The following ACSM3 variants were observed in gnomAD, a reference collection of about 807,000 sequenced individuals.
The protein encoded by ACSM3 is acyl-coenzyme A synthetase ACSM3, mitochondrial.
Under a neutral mutation model 74.1 loss-of-function variants are expected in ACSM3, and 61 were observed. The observed-to-expected ratio is 0.82, with a 90% confidence interval of 0.67 to 1.02. ACSM3 has a LOEUF of 1.02. Ranked by LOEUF, ACSM3 falls within the 50% of genes least tolerant of loss-of-function variation. The pLI is 0.00. For synonymous variants in ACSM3, 213 were observed against 241.5 expected, an observed-to-expected ratio of 0.88 and a Z score of 1.09; for missense variants, 660 against 697.0, an observed-to-expected ratio of 0.95 and a Z score of 0.60.
intron 1 of ACSM3, among the ~76,000 whole-genome samples, chr16:20,723,372 G>T (rs1210515596): frequency 2.0e-5 from 3 of 152,190 alleles, no homozygotes; most frequent in Non-Finnish European, 2.9e-5. Flanking sequence ...ATAGCAGCAT[G>T]ATTTATAATC....
chr16:20,792,456 T>A, intron 12 of ACSM3, 121 bp downstream of exon 12: 4 of 1,539,376 alleles, frequency 2.6e-6, no homozygotes, highest in Non-Finnish European at 2.6e-6. Context: ...GCAAGTCAGA[T>A]AGAAATATGC....
At chr16:20,752,028 G>T (rs2079992505) in intron 2 of ACSM3, among the ~76,000 whole-genome samples, 1 of 152,082 alleles carries the variant, frequency 6.6e-6, no homozygotes, top group African/African-American at 2.4e-5. Context: ...GCTGCTATGA[G>T]AAATAAATGA....
At chr16:20,792,477 G>C in intron 12 of ACSM3, 142 bp downstream of exon 12, 1 of 1,494,286 alleles carries the variant, frequency 6.7e-7, no homozygotes, top group Non-Finnish European at 8.9e-7. Context: ...TAGTCAGAAA[G>C]AACTGCTACA....
At chr16:20,743,438 G>A (rs1014550666) in intron 1 of ACSM3, among the ~76,000 whole-genome samples, 1 of 152,058 alleles carries the variant, frequency 6.6e-6, no homozygotes, top group Admixed American at 6.6e-5. Flanking sequence ...TCATGTTACT[G>A]TCTTTTTAAA....
At chr16:20,714,383 T>C (rs922633464) in intron 1 of ACSM3, among the ~76,000 whole-genome samples, 2 of 152,072 alleles carry the variant, frequency 1.3e-5, no homozygotes, top group African/African-American at 2.4e-5. Flanking sequence ...AGGGATGCCA[T>C]TGATGGGTTT....
In ACSM3 at chr16:20,790,558, C is replaced by A. The variant is rs543795621; in HGVS notation, c.1225-29C>A. 9.1e-5 allele frequency: 144 copies of A among 1,581,686 alleles called. 1 individual carries two copies. In the South Asian group the frequency reaches 1.5e-3, roughly 16 times the overall value. On this transcript the variant is annotated intron_variant, in intron 9 of 13. Coordinates refer to ENST00000289416, the MANE Select transcript of ACSM3 (RefSeq NM_005622.4). The surrounding 1 kb of genome is among the most constrained non-coding windows in gnomAD (Gnocchi z 4.0). ...AGCTGCGACATTAAACAAAAATTTC[C>A]TTAAATAAATTGTTCTATTTTATCC... is the stretch of plus-strand genomic sequence containing the variant.
chr16:20,685,533 T>C (rs1387736345), intron 1 of ACSM3: 2 of 871,456 alleles, frequency 2.3e-6, no homozygotes, highest in Non-Finnish European at 3.7e-6. Flanking sequence ...TTTTAAAACA[T>C]TTATACAGCC....
intron 1 of ACSM3, among the ~76,000 whole-genome samples, chr16:20,708,969 T>C (rs530673521): frequency 2.0e-5 from 3 of 152,220 alleles, no homozygotes; most frequent in Non-Finnish European, 4.4e-5. Context: ...AAATAAACCA[T>C]TGCATTTACA....
At chr16:20,742,027 C>T in intron 1 of ACSM3, 1 of 1,445,230 alleles carries the variant, frequency 6.9e-7, no homozygotes. Flanking sequence ...GCTCCTCAAG[C>T]CCTTGAAGCT....
intron 2 of ACSM3, among the ~76,000 whole-genome samples, chr16:20,755,248 C>T (rs2080020061): frequency 6.6e-6 from 1 of 152,098 alleles, no homozygotes; most frequent in Non-Finnish European, 1.5e-5. Context: ...ACAAGAATGT[C>T]TGTGTTTGAA....
At chr16:20,751,980 T>TA (rs879350238) in intron 2 of ACSM3, among the ~76,000 whole-genome samples, 37 of 151,644 alleles carry the variant, frequency 2.4e-4, no homozygotes, top group Non-Finnish European at 3.4e-4. Flanking sequence ...TTCCTCACAT[T>TA]AAAAAAAATG....
intron 12 of ACSM3, chr16:20,792,742 C>T: frequency 1.0e-6 from 1 of 984,874 alleles, no homozygotes; most frequent in Non-Finnish European, 1.2e-6. Context: ...CATCAGATGT[C>T]AGAAGTGGGA....
In ACSM3 at chr16:20,683,433, A is replaced by G. The variant is rs189022810; in HGVS notation, c.-190+8611A>G. 4.4e-3 allele frequency among the ~76,000 whole-genome samples: 667 copies of G among 151,276 alleles called. 5 individuals are homozygous for G. Among genetic ancestry groups the G allele is most frequent in the African/African-American group, 0.015 (616 of 41,248 alleles). On this transcript the variant is annotated intron_variant, in intron 1 of 3. Coordinates refer to the ACSM3 transcript ENST00000561584. ...GTGAGCCACCATGCCTGGCCTCCCT[A>G]CATTTCTTCTCTGCACTAACACCTG...
chr16:20,713,672 T>C (rs552196683), intron 1 of ACSM3, among the ~76,000 whole-genome samples: 1 of 152,128 alleles, frequency 6.6e-6, no homozygotes, highest in Non-Finnish European at 1.5e-5. Context: ...TTTGCAATAT[T>C]CTGTAGAGTC....
At chr16:20,718,449 G>A in intron 1 of ACSM3, 1 of 557,538 alleles carries the variant, frequency 1.8e-6, no homozygotes, top group South Asian at 6.6e-5. Flanking sequence ...AGATGGCCCA[G>A]CACTCTCAGA....
intron 1 of ACSM3, among the ~76,000 whole-genome samples, chr16:20,695,005 A>G (rs1490063447): frequency 2.0e-5 from 3 of 152,090 alleles, no homozygotes; most frequent in African/African-American, 7.2e-5. Flanking sequence ...TGTTTAAACC[A>G]CTCAGTCATT....
At position 20,792,032 on chromosome 16, in the gene ACSM3, C is replaced by T. The variant is rs372092809; in HGVS notation, c.1357C>T (p.Arg453Ter). Residue 453 changes from arginine (R) to a stop codon, truncating the protein, a stop_gained, in exon 11 of 14, where the codon CGA becomes TGA. Coordinates refer to ENST00000289416, the MANE Select transcript of ACSM3 (RefSeq NM_005622.4). LOFTEE classifies it high-confidence loss of function. ...DNPSKTASTLRGNFYITGDRG... is the reference protein window; with the variant it reads ...DNPSKTASTL ...TCCTTCAAAAACAGCTTCAACTCTACGAGGCAATTTCTATATCACTGGGGA... is the reference window on the plus strand; with the variant it reads ...TCCTTCAAAAACAGCTTCAACTCTATGAGGCAATTTCTATATCACTGGGGA... The T allele has an allele frequency of 2.9e-5, 47 of 1,613,856 alleles. 2 individuals are homozygous for T. Among genetic ancestry groups the T allele is most frequent in the Middle Eastern group, 1.6e-4 (1 of 6,082 alleles).
At chr16:20,726,417 C>T (rs1412422371) in intron 1 of ACSM3, among the ~76,000 whole-genome samples, 5 of 152,216 alleles carry the variant, frequency 3.3e-5, no homozygotes, top group Non-Finnish European at 7.3e-5. Flanking sequence ...AAGTGCTATG[C>T]AAGACAGAAT....
chr16:20,750,850 T>TTTTTTTTG (rs2079984311), intron 2 of ACSM3, among the ~76,000 whole-genome samples: 1 of 145,220 alleles, frequency 6.9e-6, no homozygotes, highest in South Asian at 2.3e-4. Context: ...TCAGGTTTTT[T>TTTTTTTTG]TTTTTTTTTT....
Sources: allele counts gnomAD v4.1 joint callset (sites outside exome capture counted in the v4.1 genomes callset), GRCh38; gene constraint gnomAD v4.1.1; non-coding constraint Gnocchi (gnomAD v3.1); transcripts MANE v1.5; gene names NCBI Gene and HGNC (gene_info 2026-07-23, HGNC 2026-07-21).